CAMK1: variants seen among roughly 807,000 people sequenced by gnomAD.
CAMK1 encodes calcium/calmodulin dependent protein kinase I.
CAMK1 carries 39 observed loss-of-function variants against 49.1 expected under a neutral mutation model. The observed-to-expected ratio is 0.79, with a 90% CI of 0.62 to 1.04. The LOEUF is 1.04. Among genes scored for constraint, CAMK1 ranks in the 50% least tolerant of loss-of-function variants. The probability of loss-of-function intolerance (pLI) is 0.00; values close to 1 mark genes in which losing one functional copy is unlikely to be tolerated. For missense variants in CAMK1, 457 were observed against 472.2 expected, an observed-to-expected ratio of 0.97 and a Z score of 0.30; for synonymous variants, 192 against 185.2, an observed-to-expected ratio of 1.04 and a Z score of -0.30.
In CAMK1 at chr3:9,765,693, AAGG is replaced by A. The variant is rs1559703679; in HGVS notation, c.215+63_215+65del. ...TTTAAATGATTTGTCCAAAGCAGGA[AAGG>A]AGGAGGATGGGAGGGCCAAGGCAGG... is the stretch of plus-strand genomic sequence containing the variant. On this transcript the variant is annotated intron_variant, in intron 3 of 11. Coordinates refer to ENST00000256460, the MANE Select transcript of CAMK1 (RefSeq NM_003656.5). 11 of 1,560,942 alleles carry A rather than the reference AAGG, an allele frequency of 7.0e-6. No homozygotes were observed. In the South Asian group the frequency reaches 1.2e-4, roughly 18 times the overall value.
At chr3:9,760,289 T>C (rs1327895398) in intron 8 of CAMK1, 1 of 209,798 alleles carries the variant, frequency 4.8e-6, no homozygotes, top group Non-Finnish European at 9.7e-6. Context: ...CTAATCTCAG[T>C]GCATTCACAC....
intron 10 of CAMK1, chr3:9,759,065 T>C (rs548387421): frequency 2.8e-5 from 23 of 816,800 alleles, no homozygotes; most frequent in East Asian, 1.2e-4. Context: ...CTTCTCTAAA[T>C]TGGGCTCCTG....
chr3:9,761,330 T>C (rs2077858617), intron 7 of CAMK1, 131 bp downstream of exon 7: 1 of 863,330 alleles, frequency 1.2e-6, no homozygotes, highest in Non-Finnish European at 1.8e-6. Context: ...GTAATACTGG[T>C]AATTGATTGG....
intron 8 of CAMK1, 114 bp downstream of exon 8, chr3:9,760,540 CTT>C: frequency 9.7e-7 from 1 of 1,035,908 alleles, no homozygotes; most frequent in Non-Finnish European, 1.5e-6. Flanking sequence ...GAAGACAGCT[CTT>C]TGTGTGGTGC....
rs1032137594 is a variant in CAMK1, at chr3:9,758,096, A to G, written c.913-250T>C. On this transcript the variant is annotated intron_variant, in intron 10 of 11. Coordinates refer to ENST00000256460, the MANE Select transcript of CAMK1 (RefSeq NM_003656.5). The stretch of plus-strand genomic sequence containing the variant: ...AGAAACATAACTATAATTCATATTA[A>G]TATGTAATAGCAAACACTATAGCAC... The G allele has an allele frequency of 1.7e-5, 8 of 471,208 alleles. No individual in the cohort carries two copies. In the East Asian group the frequency reaches 2.4e-4, roughly 14 times the overall value. The allele number at this position is 471,208 out of a possible 1,614,324, so 29.2% of individuals were successfully genotyped here.
intron 2 of CAMK1, chr3:9,766,687 T>C (rs1218912386): frequency 2.0e-6 from 2 of 985,106 alleles, no homozygotes; most frequent in African/African-American, 1.8e-5. Flanking sequence ...GGGTATTCTT[T>C]CCACATCTGT....
At chr3:9,768,171 C>A (rs902952895) in intron 1 of CAMK1, among the ~76,000 whole-genome samples, 1 of 152,000 alleles carries the variant, frequency 6.6e-6, no homozygotes, top group African/African-American at 2.4e-5. Flanking sequence ...GTGATGTCCC[C>A]GCCCCACCCT....
chr3:9,766,122 T>C (rs1226111691), intron 2 of CAMK1: 1 of 1,251,018 alleles, frequency 8.0e-7, no homozygotes, highest in Non-Finnish European at 1.1e-6. Flanking sequence ...CAAGCCAGCT[T>C]ACTAGCACTT....
rs1428173008 is a variant in CAMK1, at chr3:9,757,853, T to G, written c.913-7A>C. On this transcript the variant is annotated splice_region_variant and splice_polypyrimidine_tract_variant and intron_variant, in intron 10 of 11. Transcript: ENST00000256460. This position sits in a 1 kb window ranked among gnomAD's most constrained non-coding sequence, Gnocchi z 4.5. ...CCGTGGCATTGAAGGCTTGCTGGCA[T>G]TGAAGGCATTGAAGGGAGAGGGGAG... The G allele has an allele frequency of 6.3e-7, 1 of 1,596,930 alleles. No individual in the cohort carries two copies. The highest frequency in any genetic ancestry group is 8.6e-7 in the Non-Finnish European group (1 of 1,166,930).
At chr3:9,760,888 C>G (rs994328444) in intron 7 of CAMK1, 120 bp from the exon 8 acceptor site, 2 of 1,424,442 alleles carry the variant, frequency 1.4e-6, no homozygotes, top group African/African-American at 2.8e-5. Flanking sequence ...CCTTTATAAA[C>G]TCTACCAGCC....
intron 2 of CAMK1, 129 bp from the exon 3 acceptor site, chr3:9,766,019 C>T (rs201237299): frequency 8.7e-6 from 14 of 1,613,714 alleles, no homozygotes; most frequent in Middle Eastern, 1.6e-4. Flanking sequence ...CCTAGTCACT[C>T]ATCCATCCCC....
Position 9,759,535 on chromosome 3 carries a change from A to T in CAMK1, c.865T>A (p.Ser289Thr). Residue 289 changes from serine (S) to threonine (T), a missense_variant, in exon 10 of 12, where the codon TCG becomes ACG. Coordinates refer to ENST00000256460, the MANE Select transcript of CAMK1 (RefSeq NM_003656.5). The part of the protein sequence containing the change: ...DTALDKNIHQ[S>T]VSEQIKKNFA... ...TTCTTCTTGATCTGCTCACTCACCG[A>T]CTGGTGGATATTCTTATCTAGAGCT... The T allele has an allele frequency of 1.2e-6, 2 of 1,614,118 alleles. No homozygotes were observed. The highest frequency in any genetic ancestry group is 1.7e-6 in the Non-Finnish European group (2 of 1,180,026).
Position 9,757,697 on chromosome 3 carries a change from A to G in CAMK1, c.1030+32T>C, listed in dbSNP as rs1252900597. The G allele has an allele frequency of 1.2e-6, 2 of 1,613,878 alleles. No individual in the cohort carries two copies. Among genetic ancestry groups the G allele is most frequent in the African/African-American group, 2.7e-5 (2 of 74,924 alleles). The stretch of plus-strand genomic sequence containing the variant: ...CAGCCCGGGTGCACCTTTGTGGACC[A>G]CCCATGCCCTTCTGCAGAGCCCGCT... On this transcript the variant is annotated intron_variant, in intron 11 of 11. Coordinates refer to ENST00000256460, the MANE Select transcript of CAMK1 (RefSeq NM_003656.5). The surrounding 1 kb of genome is among the most constrained non-coding windows in gnomAD (Gnocchi z 4.5).
rs531632583 is a variant in CAMK1, at chr3:9,760,666, G to C, written c.735C>G (p.Ile245Met). 1 of 1,613,982 alleles carries C rather than the reference G, an allele frequency of 6.2e-7. No homozygotes were observed. Among genetic ancestry groups the C allele is most frequent in the South Asian group, 1.1e-5 (1 of 91,070 alleles). The change falls in exon 8 of 12, where the codon ATC (isoleucine) becomes ATG (methionine). Residue 245 changes from isoleucine to methionine, a missense_variant. Transcript: ENST00000256460. Reference protein sequence around the residue: ...YEFDSPYWDDISDSAKDFIRH... With the variant: ...YEFDSPYWDDMSDSAKDFIRH... ...CAAAGCCCCAAATACCAGAGTCAGA[G>C]ATGTCGTCCCAGTAAGGAGAGTCAA...
chr3:9,759,412 T>C, intron 10 of CAMK1, 76 bp downstream of exon 10: 4 of 1,594,442 alleles, frequency 2.5e-6, no homozygotes, highest in Non-Finnish European at 3.4e-6. Context: ...TGCCAGGTGC[T>C]GTGCAAGCTG....
intron 7 of CAMK1, 137 bp downstream of exon 7, chr3:9,761,324 T>C: frequency 2.4e-6 from 2 of 830,214 alleles, no homozygotes; most frequent in Non-Finnish European, 3.8e-6. Context: ...AATGAAGTAA[T>C]ACTGGTAATT....
In CAMK1 at chr3:9,757,966, TATTA is replaced by T. The variant is rs535217013; in HGVS notation, c.913-124_913-121del. The T allele has an allele frequency of 6.3e-5, 93 of 1,468,132 alleles. No homozygotes were observed. In the East Asian group the frequency reaches 7.8e-4, roughly 12 times the overall value. 90.9% of individuals were successfully genotyped at this position (1,468,132 alleles called of 1,614,324 possible). On this transcript the variant is annotated intron_variant, in intron 10 of 11. Transcript: ENST00000256460. The surrounding 1 kb of genome is among the most constrained non-coding windows in gnomAD (Gnocchi z 4.5). Reference sequence around the variant, plus strand: ...TGTTATTTTCATTCAGGAGTTATTTTATTAATTCCCCTAAAGCCCCCCAAAAACC... The same window carrying T: ...TGTTATTTTCATTCAGGAGTTATTTTATTCCCCTAAAGCCCCCCAAAAACC...
rs1163393225 is a variant in CAMK1, at chr3:9,765,751, C to T, written c.215+8G>A. 5 of 1,613,604 alleles carry T rather than the reference C, an allele frequency of 3.1e-6. No individual in the cohort carries two copies. The Admixed American group carries it at 6.7e-5, about 22-fold the overall frequency. On this transcript the variant is annotated splice_region_variant and intron_variant, in intron 3 of 11. Transcript: ENST00000256460. ...GCTTGGGGCAGGGAAAGGCTGTGGC[C>T]CACGCACTTGTGCAGGACAGCAATC...
intron 8 of CAMK1, 101 bp from the exon 9 acceptor site, chr3:9,759,851 C>T: frequency 6.2e-7 from 1 of 1,600,948 alleles, no homozygotes; most frequent in Non-Finnish European, 8.5e-7. Flanking sequence ...GGCATCAAGA[C>T]AAAGAGGCCA....
Sources: gnomAD v4.1 joint callset for allele counts (sites outside exome capture counted in the v4.1 genomes callset) on GRCh38, gnomAD v4.1.1 for gene constraint, Gnocchi (gnomAD v3.1) non-coding constraint, MANE v1.5 for transcripts, NCBI Gene and HGNC (gene_info 2026-07-23, HGNC 2026-07-21) for gene names.